The following ROR1 variants were observed in gnomAD, a reference collection of about 807,000 sequenced individuals.
The protein encoded by ROR1 is inactive tyrosine-protein kinase transmembrane receptor ROR1.
Under a neutral mutation model 78.8 loss-of-function variants are expected in ROR1, and 19 were observed. The observed-to-expected ratio is 0.24, with a 90% CI of 0.17 to 0.35. The LOEUF (loss-of-function observed/expected upper bound fraction) is 0.35. ROR1 is among the 10% of genes least tolerant of loss of function. ROR1 has a pLI of 1.00. For missense variants in ROR1, 917 were observed against 1,177.8 expected, an observed-to-expected ratio of 0.78 and a Z score of 3.24; for synonymous variants, 386 against 433.6, an observed-to-expected ratio of 0.89 and a Z score of 1.36.
intron 4 of ROR1, among the ~76,000 whole-genome samples, chr1:64,073,792 TTTCCCCCCTG>T (rs750365650): frequency 1.3e-5 from 2 of 152,042 alleles, no homozygotes; most frequent in Non-Finnish European, 2.9e-5. Flanking sequence ...CTACACTGGG[TTTCCCCCCTG>T]TTCCCGAAGG....
chr1:64,126,193 T>A (rs1280710760), intron 4 of ROR1, among the ~76,000 whole-genome samples: 2 of 152,112 alleles, frequency 1.3e-5, no homozygotes, highest in African/African-American at 4.8e-5. Flanking sequence ...TCAGTGCCAG[T>A]GTGATATGTT....
At chr1:63,925,359 C>A (rs1645693608) in intron 1 of ROR1, among the ~76,000 whole-genome samples, 1 of 150,662 alleles carries the variant, frequency 6.6e-6, no homozygotes, top group African/African-American at 2.4e-5. Context: ...TTTTTTATGG[C>A]TGCATAGTAT....
intron 1 of ROR1, among the ~76,000 whole-genome samples, chr1:63,868,445 C>G (rs1326228588): frequency 6.6e-6 from 1 of 152,138 alleles, no homozygotes; most frequent in Admixed American, 6.5e-5. Flanking sequence ...GCAAAGAGCT[C>G]CAGAGTCTGA....
At chr1:63,993,087 G>C (rs1048768202) in intron 1 of ROR1, among the ~76,000 whole-genome samples, 1 of 152,192 alleles carries the variant, frequency 6.6e-6, no homozygotes, top group East Asian at 1.9e-4. Flanking sequence ...ACTGTTTACA[G>C]TTCCCCAAAT....
chr1:64,165,202 C>T (rs1028723384), intron 8 of ROR1, among the ~76,000 whole-genome samples: 3 of 152,172 alleles, frequency 2.0e-5, no homozygotes, highest in South Asian at 4.1e-4. Flanking sequence ...TTTACACTCC[C>T]ATCAACAGTG....
intron 1 of ROR1, among the ~76,000 whole-genome samples, chr1:63,941,113 C>T (rs184615294): frequency 1.3e-5 from 2 of 152,260 alleles, no homozygotes; most frequent in African/African-American, 4.8e-5. Flanking sequence ...TCACTAAATG[C>T]AATGGGTAAC....
intron 1 of ROR1, among the ~76,000 whole-genome samples, chr1:63,962,989 G>C (rs941762711): frequency 2.6e-5 from 4 of 152,254 alleles, no homozygotes; most frequent in Admixed American, 1.3e-4. Flanking sequence ...AGAAGGGACA[G>C]ATATGAGAAG....
chr1:64,127,591 CTT>C (rs1042319471), intron 4 of ROR1, among the ~76,000 whole-genome samples: 42 of 152,094 alleles, frequency 2.8e-4, no homozygotes, highest in African/African-American at 9.6e-4. Context: ...TCTCCTCTCT[CTT>C]GGTTGCTTCT....
At chr1:63,813,783 T>C (rs1644874067) in intron 1 of ROR1, among the ~76,000 whole-genome samples, 1 of 152,258 alleles carries the variant, frequency 6.6e-6, no homozygotes, top group Non-Finnish European at 1.5e-5. Flanking sequence ...AGCATATTTA[T>C]TGCTTTAGAT....
At chr1:63,954,765 C>T (rs373355348) in intron 1 of ROR1, among the ~76,000 whole-genome samples, 6 of 152,172 alleles carry the variant, frequency 3.9e-5, no homozygotes, top group East Asian at 3.9e-4. Context: ...TATATGGGAG[C>T]GTGTGCATAG....
intron 1 of ROR1, among the ~76,000 whole-genome samples, chr1:63,976,209 T>C (rs892087314): frequency 6.6e-6 from 1 of 152,210 alleles, no homozygotes; most frequent in Non-Finnish European, 1.5e-5. Context: ...TGATCTTGTC[T>C]AATTCTCTTA....
intron 7 of ROR1, among the ~76,000 whole-genome samples, chr1:64,152,699 T>C (rs1441931056): frequency 2.0e-5 from 3 of 152,360 alleles, no homozygotes; most frequent in Non-Finnish European, 2.9e-5. Flanking sequence ...GGATTCATTA[T>C]ATTAGCCTGT....
intron 1 of ROR1, among the ~76,000 whole-genome samples, chr1:63,900,801 T>C (rs1645479193): frequency 6.6e-6 from 1 of 152,186 alleles, no homozygotes; most frequent in Non-Finnish European, 1.5e-5. Context: ...TTTTGAAATG[T>C]AATTTAAAAA....
chr1:64,047,267 A>C (rs1056171188), intron 2 of ROR1, among the ~76,000 whole-genome samples: 10 of 152,262 alleles, frequency 6.6e-5, no homozygotes, highest in African/African-American at 2.4e-4. Context: ...TTGTTATAAA[A>C]ACAATAGTAA....
chr1:63,794,723 C>T (rs1217802715), intron 1 of ROR1, among the ~76,000 whole-genome samples: 1 of 152,214 alleles, frequency 6.6e-6, no homozygotes, highest in Non-Finnish European at 1.5e-5. Flanking sequence ...AGGAAGCCCA[C>T]TGGAGGAAGC....
chr1:63,963,145 G>A (rs1353961071), intron 1 of ROR1, among the ~76,000 whole-genome samples: 1 of 152,088 alleles, frequency 6.6e-6, no homozygotes, highest in Non-Finnish European at 1.5e-5. Context: ...ACCTAGTAAG[G>A]TTTGAACTTT....
intron 1 of ROR1, among the ~76,000 whole-genome samples, chr1:63,956,348 C>G (rs1158211836): frequency 6.6e-6 from 1 of 152,140 alleles, no homozygotes; most frequent in East Asian, 1.9e-4. Flanking sequence ...GAGCTCAGCC[C>G]TCAGGAAGCT....
intron 1 of ROR1, among the ~76,000 whole-genome samples, chr1:63,783,738 T>C (rs559381912): frequency 1.3e-5 from 2 of 152,284 alleles, no homozygotes; most frequent in South Asian, 4.1e-4. Context: ...AACGACCACA[T>C]GTCTGTTGAA....
rs564823371 is a variant in ROR1, at chr1:64,181,044, AT to A, written c.*2196del. 1.3e-5 allele frequency: 2 copies of A among 152,216 alleles called. No individual in the cohort carries two copies. The highest frequency in any genetic ancestry group is 2.9e-5 in the Non-Finnish European group (2 of 67,948). The allele number at this position is 152,216 out of a possible 1,614,324, so 9.4% of individuals were successfully genotyped here. ...ACAGTCTCTTTTGTATTAAAATAGT[AT>A]TTTTTTCACAAGCTGAAAAATATCT... On this transcript the variant is annotated 3_prime_UTR_variant, in exon 9 of 9. Transcript: ENST00000371079.
Sources: gnomAD v4.1 joint callset for allele counts (sites outside exome capture counted in the v4.1 genomes callset) on GRCh38, gnomAD v4.1.1 for gene constraint, MANE v1.5 for transcripts, NCBI Gene and HGNC (gene_info 2026-07-23, HGNC 2026-07-21) for gene names.